Variants in SMG6 observed in about 807,000 individuals in gnomAD.
The protein encoded by SMG6 is SMG6 nonsense mediated mRNA decay factor.
A neutral mutation model predicts 142.2 loss-of-function variants in SMG6; 66 were observed. That is an observed-to-expected ratio of 0.46 (90% CI 0.38 to 0.57). The LOEUF (loss-of-function observed/expected upper bound fraction) is 0.57, where lower values mean the gene tolerates loss of function less well. Among genes scored for constraint, SMG6 ranks in the 20% least tolerant of loss-of-function variants. The pLI is 0.00. For missense variants in SMG6, 1,793 were observed against 1,832.0 expected, an observed-to-expected ratio of 0.98 and a Z score of 0.39; for synonymous variants, 779 against 702.4, an observed-to-expected ratio of 1.11 and a Z score of -1.72.
At position 2,242,689 on chromosome 17, in the gene SMG6, TAAAAAAAA is replaced by T. The variant is rs57079220; in HGVS notation, c.2723+1961_2723+1968del. Among the ~76,000 whole-genome samples the T allele has an allele frequency of 7.3e-3, 409 of 55,868 alleles. 4 individuals carry two copies. The highest frequency in any genetic ancestry group is 0.028 in the African/African-American group (369 of 13,140). 36.7% of individuals were successfully genotyped at this position (55,868 alleles called of 152,430 possible). A position where few individuals can be genotyped will look rare whatever the true frequency, so the allele number is the denominator to read the frequency against. On this transcript the variant is annotated intron_variant, in intron 9 of 18. Coordinates refer to ENST00000263073, the MANE Select transcript of SMG6 (RefSeq NM_017575.5). The stretch of plus-strand genomic sequence containing the variant: ...GTAACACAGACAGGCTCCATCTCTT[TAAAAAAAA>T]AAAAAAAAAAAAAAAAAAAAGAATA...
intron 8 of SMG6, among the ~76,000 whole-genome samples, chr17:2,272,675 A>AT (rs1190989575): frequency 6.6e-6 from 1 of 152,178 alleles, no homozygotes; most frequent in Non-Finnish European, 1.5e-5. Flanking sequence ...ACGGTGGCTC[A>AT]TGCCTGTAAT....
chr17:2,127,921 TG>T, intron 13 of SMG6: 1 of 566,774 alleles, frequency 1.8e-6, no homozygotes. Context: ...CTCCAGTACC[TG>T]GACCAATGCA....
chr17:2,092,969 T>C (rs1447352360), intron 13 of SMG6, among the ~76,000 whole-genome samples: 1 of 152,080 alleles, frequency 6.6e-6, no homozygotes, highest in Non-Finnish European at 1.5e-5. Flanking sequence ...GCTGAGGCAG[T>C]GGATCACCTG....
At chr17:2,217,261 T>A (rs948468666) in intron 10 of SMG6, among the ~76,000 whole-genome samples, 1 of 152,172 alleles carries the variant, frequency 6.6e-6, no homozygotes, top group African/African-American at 2.4e-5. Flanking sequence ...AGTATTGTGA[T>A]AATTTCAGAA....
intron 13 of SMG6, among the ~76,000 whole-genome samples, chr17:2,142,043 T>C (rs1454597674): frequency 6.6e-6 from 1 of 152,064 alleles, no homozygotes; most frequent in Non-Finnish European, 1.5e-5. Context: ...TGTTTTGTTT[T>C]TGTTTTTGGC....
At chr17:2,292,846 A>G in intron 5 of SMG6, 25 bp downstream of exon 5, 1 of 1,594,444 alleles carries the variant, frequency 6.3e-7, no homozygotes, top group Non-Finnish European at 8.6e-7. Context: ...AGGGAAGAGA[A>G]ATAACGAAGC....
chr17:2,283,558 G>C, intron 7 of SMG6, 67 bp downstream of exon 7: 3 of 1,277,550 alleles, frequency 2.3e-6, no homozygotes, highest in Middle Eastern at 2.3e-4. Flanking sequence ...CGCAGAGCTA[G>C]GGCACACCAA....
At chr17:2,131,430 G>C (rs983976978) in intron 13 of SMG6, among the ~76,000 whole-genome samples, 4 of 152,074 alleles carry the variant, frequency 2.6e-5, no homozygotes, top group African/African-American at 7.2e-5. Flanking sequence ...TGAGTAGCTA[G>C]GACTACAGGT....
intron 8 of SMG6, among the ~76,000 whole-genome samples, chr17:2,251,856 C>A (rs62069340): frequency 0.022 from 3,293 of 152,074 alleles, 45 homozygotes; most frequent in East Asian, 0.053. Context: ...AATCCCAGCA[C>A]TTTGGGAGGC....
intron 13 of SMG6, among the ~76,000 whole-genome samples, chr17:2,114,841 A>T (rs1022524517): frequency 6.6e-6 from 1 of 150,908 alleles, no homozygotes; most frequent in Non-Finnish European, 1.5e-5. Context: ...AGGCACAAGA[A>T]TCTCTTCAAT....
intron 13 of SMG6, among the ~76,000 whole-genome samples, chr17:2,132,745 GAAGA>G (rs1364077410): frequency 6.6e-6 from 1 of 152,150 alleles, no homozygotes; most frequent in Non-Finnish European, 1.5e-5. Flanking sequence ...AGTGACAGAA[GAAGA>G]AAGGGGACAG....
At chr17:2,161,556 C>T (rs2071180937) in intron 13 of SMG6, among the ~76,000 whole-genome samples, 1 of 151,920 alleles carries the variant, frequency 6.6e-6, no homozygotes, top group Non-Finnish European at 1.5e-5. Flanking sequence ...ATCTTGCCTC[C>T]AAAGTTTGGA....
At chr17:2,087,618 C>T in intron 13 of SMG6, 2 of 996,932 alleles carry the variant, frequency 2.0e-6, no homozygotes, top group Non-Finnish European at 2.4e-6. Context: ...CTGGGCTTGC[C>T]TCCGTGAAGG....
chr17:2,062,164 CTTGGCAGAA>C (rs995934737), intron 18 of SMG6: 14 of 153,482 alleles, frequency 9.1e-5, no homozygotes, highest in African/African-American at 2.9e-4. Flanking sequence ...GGGTAAGGGT[CTTGGCAGAA>C]TTGTGCCAAG....
At chr17:2,128,032 C>T in intron 13 of SMG6, 1 of 433,772 alleles carries the variant, frequency 2.3e-6, no homozygotes, top group Non-Finnish European at 4.5e-6. Flanking sequence ...CCCAGAAGAG[C>T]TGAAATCTCT....
At chr17:2,230,476 C>G (rs185536906) in intron 10 of SMG6, among the ~76,000 whole-genome samples, 4 of 152,160 alleles carry the variant, frequency 2.6e-5, no homozygotes, top group Non-Finnish European at 5.9e-5. Flanking sequence ...TGGGGCAAAA[C>G]AAAGACCATT....
intron 13 of SMG6, chr17:2,088,901 G>C: frequency 1.1e-6 from 1 of 930,484 alleles, no homozygotes; most frequent in Non-Finnish European, 1.3e-6. Flanking sequence ...TTCTGTAGGA[G>C]ACTTACGGGA....
rs2075168661 is a variant in SMG6, at chr17:2,297,493, T to C, written c.2041-140A>G. 4.7e-6 allele frequency: 3 copies of C among 645,100 alleles called. No individual in the cohort carries two copies. The South Asian group carries it at 6.0e-5, about 13-fold the overall frequency. The allele number at this position is 645,100 out of a possible 1,614,324, so 40.0% of individuals were successfully genotyped here. ...AAAGGGAGGCACGCACAATATTCAC[T>C]GGCCACCAATTTGAGAACAAGGCAA... On this transcript the variant is annotated intron_variant, in intron 3 of 18. Coordinates refer to ENST00000263073, the MANE Select transcript of SMG6 (RefSeq NM_017575.5).
chr17:2,174,769 T>C (rs1287271279), intron 12 of SMG6, among the ~76,000 whole-genome samples: 1 of 152,128 alleles, frequency 6.6e-6, no homozygotes, highest in Non-Finnish European at 1.5e-5. Flanking sequence ...CTGTCAGAAA[T>C]GTTTAAATAT....
Sources: allele counts gnomAD v4.1 joint callset (sites outside exome capture counted in the v4.1 genomes callset), GRCh38; gene constraint gnomAD v4.1.1; transcripts MANE v1.5; gene names NCBI Gene and HGNC (gene_info 2026-07-23, HGNC 2026-07-21).